ACACA: variants seen among roughly 807,000 people sequenced by gnomAD.
The protein encoded by ACACA is acetyl-CoA carboxylase alpha, also known as acetyl-CoA carboxylase 1.
A neutral mutation model predicts 296.1 loss-of-function variants in ACACA; 103 were observed. The observed-to-expected ratio is 0.35, with a 90% CI of 0.30 to 0.41. The LOEUF is 0.41. Ranked by LOEUF, ACACA falls within the 10% of genes least tolerant of loss-of-function variation. The probability of loss-of-function intolerance (pLI) is 1.00; values close to 1 mark genes in which losing one functional copy is unlikely to be tolerated. For missense variants in ACACA, 1,554 were observed against 2,989.7 expected (o/e 0.52, Z 11.20); for synonymous variants, 953 against 1,038.6 (o/e 0.92, Z 1.58).
chr17:37,247,374 C>CTTTTT (rs59972801), intron 18 of ACACA, among the ~76,000 whole-genome samples: 3 of 145,672 alleles, frequency 2.1e-5, no homozygotes, highest in Non-Finnish European at 3.0e-5. Context: ...TTGTGAATTT[C>CTTTTT]TTTTTTTTTT....
chr17:37,344,514 T>C (rs2048527929), intron 1 of ACACA, among the ~76,000 whole-genome samples: 1 of 152,026 alleles, frequency 6.6e-6, no homozygotes, highest in Non-Finnish European at 1.5e-5. Flanking sequence ...GCTGAGATCA[T>C]GCCATTGCAT....
chr17:37,244,694 G>A lies in ACACA; in HGVS notation c.2636C>T (p.Thr879Met), dbSNP rs764378176. ...ATGGAGTTTCTCGCCTCTGAGTGCC[G>A]TGCTCTGGATCCGTGGCAGACTACC... Reference protein sequence around the residue: ...HTGSLPRIQSTALRGEKLHRV... With the variant: ...HTGSLPRIQSMALRGEKLHRV... The change falls in exon 21 of 56, where the codon ACG (threonine) becomes ATG (methionine). Residue 879 changes from threonine (T) to methionine (M), a missense_variant. Physicochemically the swap from Thr to Met is moderately conservative, Grantham distance 81. This residue lies in a region of ACACA where 316 missense variants were observed against 540.9 expected (regional missense o/e 0.58). Coordinates refer to ENST00000616317, the MANE Select transcript of ACACA (RefSeq NM_198834.3). 12 of 1,614,026 alleles carry A rather than the reference G, an allele frequency of 7.4e-6. No individual in the cohort carries two copies. Among genetic ancestry groups the A allele is most frequent in the South Asian group, 2.2e-5 (2 of 91,076 alleles).
intron 1 of ACACA, among the ~76,000 whole-genome samples, chr17:37,341,783 T>C (rs1181076511): frequency 3.0e-4 from 46 of 152,218 alleles, no homozygotes; most frequent in Non-Finnish European, 1.5e-4. Context: ...GACAGCCAGT[T>C]AAGTACATAA....
chr17:37,122,649 A>G (rs2074582612), intron 48 of ACACA, 22 bp from the exon 49 acceptor site: 1 of 1,597,478 alleles, frequency 6.3e-7, no homozygotes, highest in Non-Finnish European at 8.6e-7. Context: ...TGAGTCACAT[A>G]AGAACCCAAT....
chr17:37,263,338 TTGA>T (rs1235828498), intron 11 of ACACA, among the ~76,000 whole-genome samples: 2 of 152,170 alleles, frequency 1.3e-5, no homozygotes, highest in African/African-American at 2.4e-5. Flanking sequence ...AGCTGAAGAC[TTGA>T]TGATACTCAA....
At chr17:37,340,385 T>C (rs2048327549) in intron 1 of ACACA, among the ~76,000 whole-genome samples, 1 of 152,190 alleles carries the variant, frequency 6.6e-6, no homozygotes, top group African/African-American at 2.4e-5. Flanking sequence ...TTTAAATCTA[T>C]CTAGGGTAGA....
chr17:37,113,051 C>G lies in ACACA; in HGVS notation c.6452+37G>C. ...GAGGAAACCAACAGCTACAGGGTCC[C>G]TAAAGGCAGTGAATGGAAATGTGGA... On this transcript the variant is annotated intron_variant, in intron 51 of 55. Coordinates refer to ENST00000616317, the MANE Select transcript of ACACA (RefSeq NM_198834.3). The surrounding 1 kb of genome is among the most constrained non-coding windows in gnomAD (Gnocchi z 4.0). The G allele has an allele frequency of 1.2e-6, 2 of 1,613,208 alleles. No homozygotes were observed. Among genetic ancestry groups the G allele is most frequent in the Non-Finnish European group, 1.7e-6 (2 of 1,179,708 alleles).
At chr17:37,363,459 G>A (rs2049491381) in intron 1 of ACACA, among the ~76,000 whole-genome samples, 1 of 151,818 alleles carries the variant, frequency 6.6e-6, no homozygotes, top group Non-Finnish European at 1.5e-5. Context: ...GGGATTACAG[G>A]CGTGAGCCAC....
chr17:37,217,756 AAAAAAAAAC>A (rs1440042806), intron 29 of ACACA, among the ~76,000 whole-genome samples: 2,162 of 130,120 alleles, frequency 0.017, 68 homozygotes, highest in African/African-American at 0.04. Flanking sequence ...AAAAAAAAAA[AAAAAAAAAC>A]AACCTGTTTT....
At chr17:37,139,880 ACT>A (rs1023513789) in intron 45 of ACACA, among the ~76,000 whole-genome samples, 4 of 152,218 alleles carry the variant, frequency 2.6e-5, no homozygotes, top group African/African-American at 9.7e-5. Flanking sequence ...ACAAGACCAG[ACT>A]CTGAACACAA....
At chr17:37,255,992 C>T (rs1044423555) in intron 14 of ACACA, among the ~76,000 whole-genome samples, 5 of 152,222 alleles carry the variant, frequency 3.3e-5, no homozygotes, top group African/African-American at 9.6e-5. Context: ...AGTGATCTGC[C>T]AGCCTCGGTC....
intron 45 of ACACA, among the ~76,000 whole-genome samples, chr17:37,136,930 G>A (rs1214811053): frequency 1.3e-5 from 2 of 149,926 alleles, no homozygotes; most frequent in African/African-American, 4.9e-5. Context: ...GCGACAGAGC[G>A]AGACTCCGTC....
chr17:37,103,533 A>C (rs2142881117), intron 52 of ACACA, among the ~76,000 whole-genome samples: 1 of 152,338 alleles, frequency 6.6e-6, no homozygotes. Context: ...AATATGCTAC[A>C]GAGAGAAAAG....
chr17:37,379,061 G>A (rs2050129306), intron 1 of ACACA: 1 of 1,478,868 alleles, frequency 6.8e-7, no homozygotes, highest in Non-Finnish European at 9.0e-7. Flanking sequence ...GACAGAGCAA[G>A]GCACCGTCTC....
intron 3 of ACACA, among the ~76,000 whole-genome samples, chr17:37,322,065 T>C (rs2047383607): frequency 6.6e-6 from 1 of 152,228 alleles, no homozygotes; most frequent in African/African-American, 2.4e-5. Flanking sequence ...AGCTCAAAAT[T>C]TTCTAGTTAA....
intron 44 of ACACA, 75 bp downstream of exon 44, chr17:37,151,226 G>A: frequency 6.5e-7 from 1 of 1,547,554 alleles, no homozygotes; most frequent in Non-Finnish European, 8.9e-7. Context: ...GGACTGAATA[G>A]CAGTGATAAG....
rs377020554 is a variant in ACACA, at chr17:37,252,061, G to A, written c.2025C>T (p.His675=). 151 of 1,614,082 alleles carry A rather than the reference G, an allele frequency of 9.4e-5. No homozygotes were observed. Among genetic ancestry groups the A allele is most frequent in the Non-Finnish European group, 1.2e-4 (138 of 1,180,052 alleles). The change falls in exon 16 of 56, where the codon CAC becomes CAT. Residue 675 remains histidine (H), a synonymous_variant. Transcript: ENST00000616317. ...TATTCCGCAGGCTCACATCTGCCAC[G>A]TGGAGGGCACCACACACAACCCCCA... ...TMLGVVCGAL[H]VADVSLRNSV...
chr17:37,171,900 G>C (rs978523523), intron 41 of ACACA, among the ~76,000 whole-genome samples: 3 of 152,134 alleles, frequency 2.0e-5, no homozygotes, highest in African/African-American at 7.2e-5. Context: ...CGGTATTTGA[G>C]AAATGGGGCC....
chr17:37,097,958 G>A lies in ACACA; in HGVS notation c.6592C>T (p.Arg2198Trp), dbSNP rs765969361. ...TTCAACTTGTTCTCCAACTCCTTCCGCTCAGCTGTGCTTAGCTCTGGGGTC... is the reference window on the plus strand; with the variant it reads ...TTCAACTTGTTCTCCAACTCCTTCCACTCAGCTGTGCTTAGCTCTGGGGTC... ...LGTPELSTAE[R>W]KELENKLKER... The change falls in exon 53 of 56, where the codon CGG becomes TGG. Residue 2198 changes from arginine (R) to tryptophan (W), a missense_variant. Around this residue, in one of 16 missense-constraint regions of ACACA, gnomAD observed 553 missense variants for 1,043.6 expected, o/e 0.53. Coordinates refer to ENST00000616317, the MANE Select transcript of ACACA (RefSeq NM_198834.3). This position sits in a 1 kb window ranked among gnomAD's most constrained non-coding sequence, Gnocchi z 4.8. 2.0e-5 allele frequency: 32 copies of A among 1,613,986 alleles called. No individual in the cohort carries two copies. In the East Asian group the frequency reaches 3.1e-4, roughly 16 times the overall value.
Sources: allele counts gnomAD v4.1 joint callset (sites outside exome capture counted in the v4.1 genomes callset), GRCh38; gene constraint gnomAD v4.1.1; regional missense constraint gnomAD v4.1.1; non-coding constraint Gnocchi (gnomAD v3.1); transcripts MANE v1.5; gene names NCBI Gene and HGNC (gene_info 2026-07-23, HGNC 2026-07-21).